Variants in ZYG11B observed in about 807,000 individuals in gnomAD.
ZYG11B encodes zyg-11 family member B, cell cycle regulator.
ZYG11B carries 36 observed loss-of-function variants against 82.4 expected under a neutral mutation model. The ratio of observed to expected loss-of-function variants is 0.44; its 90% CI spans 0.33 to 0.58. The LOEUF is 0.58. Among genes scored for constraint, ZYG11B ranks in the 20% least tolerant of loss-of-function variants. ZYG11B has a pLI of 0.02. For synonymous variants in ZYG11B, 303 were observed against 312.8 expected (o/e 0.97, Z 0.33); for missense variants, 552 against 895.6 (o/e 0.62, Z 4.90).
intron 2 of ZYG11B, among the ~76,000 whole-genome samples, chr1:52,760,159 T>C (rs1240590068): frequency 6.6e-6 from 1 of 152,020 alleles, no homozygotes; most frequent in Non-Finnish European, 1.5e-5. Flanking sequence ...ATTGGTAATA[T>C]CAGCCAAGGG....
chr1:52,801,953 G>C lies in ZYG11B; in HGVS notation c.1620G>C (p.Gly540=), dbSNP rs1362898934. The C allele has an allele frequency of 1.2e-6, 2 of 1,609,564 alleles. No individual in the cohort carries two copies. The highest frequency in any genetic ancestry group is 2.7e-5 in the African/African-American group (2 of 74,652). ...TTCRHFIENQ[G]LELFMRVLES... ...GTAGACACTTTATTGAAAACCAAGG[G>C]TTAGAACTCTTCATGAGGGTTCTAG... The change falls in exon 9 of 14, where the codon GGG becomes GGC. Residue 540 remains glycine (G), a synonymous_variant. Transcript: ENST00000294353.
intron 10 of ZYG11B, among the ~76,000 whole-genome samples, chr1:52,804,173 A>G (rs1645121539): frequency 1.3e-5 from 2 of 152,060 alleles, no homozygotes; most frequent in African/African-American, 2.4e-5. Flanking sequence ...TGACCCTAGG[A>G]GTTTGAGGGC....
chr1:52,789,360 C>T (rs1465819248), intron 5 of ZYG11B, among the ~76,000 whole-genome samples: 1 of 151,938 alleles, frequency 6.6e-6, no homozygotes, highest in African/African-American at 2.4e-5. Flanking sequence ...GCCATTTGTC[C>T]AAATAAAAAA....
At chr1:52,743,371 C>T (rs1386600348) in intron 1 of ZYG11B, among the ~76,000 whole-genome samples, 1 of 121,872 alleles carries the variant, frequency 8.2e-6, no homozygotes, top group African/African-American at 3.3e-5. Context: ...TCCCCCTCTC[C>T]GAGAAACACC....
intron 1 of ZYG11B, among the ~76,000 whole-genome samples, chr1:52,737,362 G>C (rs1644386400): frequency 6.6e-6 from 1 of 152,170 alleles, no homozygotes. Flanking sequence ...GAGGCTGGCT[G>C]TGTCTCCAGA....
intron 10 of ZYG11B, among the ~76,000 whole-genome samples, chr1:52,809,056 T>G (rs976894728): frequency 7.2e-5 from 11 of 152,216 alleles, no homozygotes; most frequent in African/African-American, 2.4e-4. Flanking sequence ...CTGTGTCAGT[T>G]CAGGGTCAAT....
At chr1:52,792,354 T>G (rs1644966758) in intron 6 of ZYG11B, among the ~76,000 whole-genome samples, 1 of 152,174 alleles carries the variant, frequency 6.6e-6, no homozygotes, top group East Asian at 1.9e-4. Flanking sequence ...TCATTAAGGA[T>G]TTCCTGTTAG....
At chr1:52,778,406 A>G (rs1191110510) in intron 3 of ZYG11B, among the ~76,000 whole-genome samples, 2 of 152,080 alleles carry the variant, frequency 1.3e-5, no homozygotes, top group East Asian at 3.9e-4. Flanking sequence ...GATTACAGAT[A>G]TAAGCCACTC....
rs949690219 is a variant in ZYG11B, at chr1:52,779,848, C to T, written c.952-5C>T. On this transcript the variant is annotated splice_region_variant and splice_polypyrimidine_tract_variant and intron_variant, in intron 3 of 13. Coordinates refer to ENST00000294353, the MANE Select transcript of ZYG11B (RefSeq NM_024646.3). ...TTCTAAAAGCTAATCTGGTTATGTT[C>T]ACAGGTGTCTGGGGAAGCCAATGAA... 3.1e-6 allele frequency: 5 copies of T among 1,613,090 alleles called. No individual in the cohort carries two copies. Among genetic ancestry groups the T allele is most frequent in the African/African-American group, 1.3e-5 (1 of 74,844 alleles).
rs975494927 is a variant in ZYG11B, at chr1:52,758,056, C to T, written c.196+1433C>T. On this transcript the variant is annotated intron_variant, in intron 2 of 13. Transcript: ENST00000294353. ...CTTTACTAAAAATACAAAAATTAGC[C>T]GGGCGTGGTGGCGCACACCTGTAGT... Among the ~76,000 whole-genome samples the T allele has an allele frequency of 4.6e-5, 7 of 151,572 alleles. No individual in the cohort carries two copies. In the East Asian group the frequency reaches 7.8e-4, roughly 17 times the overall value.
intron 10 of ZYG11B, 137 bp downstream of exon 10, chr1:52,802,276 A>C: frequency 1.6e-6 from 1 of 639,784 alleles, no homozygotes; most frequent in East Asian, 2.9e-5. Flanking sequence ...ATTGAGAACT[A>C]TTCCCAATAC....
At chr1:52,744,757 T>G (rs189316218) in intron 1 of ZYG11B, among the ~76,000 whole-genome samples, 1 of 152,028 alleles carries the variant, frequency 6.6e-6, no homozygotes, top group South Asian at 2.1e-4. Flanking sequence ...CAGGAGAATC[T>G]CTTGAACCCG....
At chr1:52,814,605 T>C (rs1333585765) in intron 12 of ZYG11B, among the ~76,000 whole-genome samples, 1 of 152,138 alleles carries the variant, frequency 6.6e-6, no homozygotes, top group East Asian at 1.9e-4. Flanking sequence ...CCTGTAGTCC[T>C]GGGAGGATCA....
At chr1:52,758,069 G>A (rs374212420) in intron 2 of ZYG11B, among the ~76,000 whole-genome samples, 8 of 151,426 alleles carry the variant, frequency 5.3e-5, no homozygotes, top group Admixed American at 1.3e-4. Flanking sequence ...GCGTGGTGGC[G>A]CACACCTGTA....
rs183627946 is a variant in ZYG11B, at chr1:52,819,194, A to T, written c.2045-2245A>T. 2.4e-4 allele frequency among the ~76,000 whole-genome samples: 37 copies of T among 152,270 alleles called. 2 individuals are homozygous for T. The East Asian group carries it at 7.1e-3, about 29-fold the overall frequency. On this transcript the variant is annotated intron_variant, in intron 13 of 13. Transcript: ENST00000294353. ...CAATGAATGGGATGTGACCGAGAAAACTGCCTTGTACCCACCTGAACTCCC... is the reference window on the plus strand; with the variant it reads ...CAATGAATGGGATGTGACCGAGAAATCTGCCTTGTACCCACCTGAACTCCC...
In ZYG11B at chr1:52,826,799, A is replaced by C. The variant is rs1645328737; in HGVS notation, c.*5170A>C. 6.6e-6 allele frequency: 1 copy of C among 152,214 alleles called. No individual in the cohort carries two copies. The highest frequency in any genetic ancestry group is 2.4e-5 in the African/African-American group (1 of 41,468). The allele number at this position is 152,214 out of a possible 1,614,324, so 9.4% of individuals were successfully genotyped here. A position where few individuals can be genotyped will look rare whatever the true frequency, so the allele number is the denominator to read the frequency against. On this transcript the variant is annotated 3_prime_UTR_variant, in exon 14 of 14. Transcript: ENST00000294353. ...CAAAATTATTTTGTGGGAAATCATC[A>C]ATCTATTTTATTAATGTTATGTGTT...
At position 52,813,731 on chromosome 1, in the gene ZYG11B, T is replaced by G; in HGVS notation, c.1891T>G (p.Leu631Val). The G allele has an allele frequency of 6.2e-7, 1 of 1,614,172 alleles. No individual in the cohort carries two copies. Among genetic ancestry groups the G allele is most frequent in the South Asian group, 1.1e-5 (1 of 91,080 alleles). Residue 631 changes from leucine to valine, a missense_variant and splice_region_variant, in exon 11 of 14, where the codon TTG becomes GTG. Leu to Val is a conservative substitution (Grantham distance 32, BLOSUM62 1). This residue lies in a region of ZYG11B where 127 missense variants were observed against 163.4 expected (regional missense o/e 0.78). Transcript: ENST00000294353. ...CCAGAGGAATTCTCTGCTGGATGAT[T>G]TGGTAGGGTCATTCCATACCAACAA... ...RSQRNSLLDD[L>V]HSAILKWPTP...
intron 13 of ZYG11B, 86 bp downstream of exon 13, chr1:52,816,715 A>T (rs1417342172): frequency 1.1e-5 from 11 of 1,035,692 alleles, no homozygotes; most frequent in African/African-American, 4.9e-5. Flanking sequence ...ATTGTGTATT[A>T]AAGTGATTTT....
At chr1:52,790,808 T>C (rs1391059859) in intron 6 of ZYG11B, among the ~76,000 whole-genome samples, 1 of 148,946 alleles carries the variant, frequency 6.7e-6, no homozygotes, top group Admixed American at 6.7e-5. Flanking sequence ...ATGTCTGTTA[T>C]TATTATCATT....
Sources: allele counts gnomAD v4.1 joint callset (sites outside exome capture counted in the v4.1 genomes callset), GRCh38; gene constraint gnomAD v4.1.1; regional missense constraint gnomAD v4.1.1; transcripts MANE v1.5; gene names NCBI Gene and HGNC (gene_info 2026-07-23, HGNC 2026-07-21).